RNGTT: variants seen among roughly 807,000 people sequenced by gnomAD.
The protein encoded by RNGTT is RNA guanylyltransferase and 5'-phosphatase, also known as mRNA-capping enzyme.
RNGTT carries 33 observed loss-of-function variants against 79.3 expected under a neutral mutation model. The ratio of observed to expected loss-of-function variants is 0.42; its 90% CI spans 0.32 to 0.56. The LOEUF (loss-of-function observed/expected upper bound fraction) is 0.56. Among genes scored for constraint, RNGTT ranks in the 20% least tolerant of loss-of-function variants. RNGTT has a pLI of 0.17. For synonymous variants in RNGTT, 222 were observed against 235.9 expected, an observed-to-expected ratio of 0.94 and a Z score of 0.54; for missense variants, 497 against 739.1, an observed-to-expected ratio of 0.67 and a Z score of 3.80.
chr6:88,847,677 A>G (rs1027617226), intron 10 of RNGTT, among the ~76,000 whole-genome samples: 8 of 152,098 alleles, frequency 5.3e-5, no homozygotes, highest in Non-Finnish European at 1.2e-4. Flanking sequence ...GACAAAAAGC[A>G]TAACAATCAT....
intron 14 of RNGTT, among the ~76,000 whole-genome samples, chr6:88,665,609 C>T (rs2127783994): frequency 6.6e-6 from 1 of 152,340 alleles, no homozygotes; most frequent in Admixed American, 6.5e-5. Context: ...TCTTTAGCAT[C>T]AGATTAGCTC....
chr6:88,932,938 G>A (rs1380300516), intron 2 of RNGTT, among the ~76,000 whole-genome samples: 1 of 152,078 alleles, frequency 6.6e-6, no homozygotes, highest in Non-Finnish European at 1.5e-5. Flanking sequence ...TACCACATAG[G>A]TTGATGGTTG....
chr6:88,661,077 A>C (rs1166011729), intron 14 of RNGTT, among the ~76,000 whole-genome samples: 1 of 152,248 alleles, frequency 6.6e-6, no homozygotes, highest in Non-Finnish European at 1.5e-5. Context: ...CTTTGGGTCA[A>C]CAATGAAATC....
chr6:88,901,669 G>A (rs71556314), intron 6 of RNGTT, among the ~76,000 whole-genome samples: 2 of 151,958 alleles, frequency 1.3e-5, no homozygotes, highest in East Asian at 3.9e-4. Flanking sequence ...ACTAGGCCGA[G>A]CTAATTTTTT....
At chr6:88,918,048 T>C (rs1355810868) in intron 4 of RNGTT, among the ~76,000 whole-genome samples, 2 of 152,132 alleles carry the variant, frequency 1.3e-5, no homozygotes, top group Non-Finnish European at 2.9e-5. Flanking sequence ...CCAGGTGCAG[T>C]GGCTCATGCC....
intron 13 of RNGTT, among the ~76,000 whole-genome samples, chr6:88,706,457 A>G (rs1383090750): frequency 1.3e-5 from 2 of 152,080 alleles, no homozygotes; most frequent in Non-Finnish European, 2.9e-5. Context: ...GATACAAAGA[A>G]CTGGCACTAT....
chr6:88,941,314 A>G (rs907248084), intron 1 of RNGTT, 134 bp from the exon 2 acceptor site: 6 of 611,140 alleles, frequency 9.8e-6, no homozygotes, highest in African/African-American at 9.3e-5. Context: ...GTCCCCCAGG[A>G]TAGAGTGCAG....
At chr6:88,731,174 C>G (rs186159728) in intron 13 of RNGTT, among the ~76,000 whole-genome samples, 28 of 151,918 alleles carry the variant, frequency 1.8e-4, no homozygotes, top group African/African-American at 6.8e-4. Flanking sequence ...ATAAAAGCCC[C>G]CCCAAAAAAA....
chr6:88,932,437 A>G (rs1466389119), intron 2 of RNGTT, among the ~76,000 whole-genome samples: 1 of 152,040 alleles, frequency 6.6e-6, no homozygotes, highest in East Asian at 1.9e-4. Context: ...GAAGCATGTG[A>G]TCCCTGTGAC....
intron 14 of RNGTT, among the ~76,000 whole-genome samples, chr6:88,676,566 A>C (rs1018023095): frequency 6.6e-6 from 1 of 152,194 alleles, no homozygotes; most frequent in African/African-American, 2.4e-5. Flanking sequence ...ATGAGCCATG[A>C]AAGAAAAATC....
At chr6:88,807,213 T>A (rs1446336415) in intron 11 of RNGTT, among the ~76,000 whole-genome samples, 1 of 152,158 alleles carries the variant, frequency 6.6e-6, no homozygotes, top group African/African-American at 2.4e-5. Context: ...GTAACAAACC[T>A]GCACATCCTG....
intron 8 of RNGTT, among the ~76,000 whole-genome samples, chr6:88,856,675 C>G (rs548384281): frequency 1.3e-5 from 2 of 152,214 alleles, no homozygotes; most frequent in South Asian, 4.1e-4. Flanking sequence ...ACACAAGTTC[C>G]TGAGCTATGA....
At chr6:88,908,969 G>T (rs374925411) in intron 4 of RNGTT, among the ~76,000 whole-genome samples, 1 of 152,050 alleles carries the variant, frequency 6.6e-6, no homozygotes, top group South Asian at 2.1e-4. Context: ...GTGCAGGCCT[G>T]GTCCCACTTC....
At chr6:88,791,140 CTT>C (rs66559856) in intron 12 of RNGTT, among the ~76,000 whole-genome samples, 19,546 of 120,942 alleles carry the variant, frequency 0.16, 1,175 homozygotes, top group Middle Eastern at 0.21. Context: ...TCACAAGTAC[CTT>C]TTTTTTTTTT....
intron 13 of RNGTT, among the ~76,000 whole-genome samples, chr6:88,694,869 C>T (rs978452481): frequency 2.0e-5 from 3 of 152,078 alleles, no homozygotes; most frequent in African/African-American, 7.2e-5. Context: ...CACAGCATGG[C>T]CCAGCACAAA....
intron 12 of RNGTT, among the ~76,000 whole-genome samples, chr6:88,771,547 A>G (rs1194185823): frequency 6.6e-6 from 1 of 151,776 alleles, no homozygotes; most frequent in Non-Finnish European, 1.5e-5. Flanking sequence ...TTCCACATAC[A>G]TTTTAAAATC....
At chr6:88,745,806 G>A (rs1218949035) in intron 13 of RNGTT, among the ~76,000 whole-genome samples, 2 of 150,220 alleles carry the variant, frequency 1.3e-5, no homozygotes, top group South Asian at 2.1e-4. Flanking sequence ...TCTTGCCCTG[G>A]CTTTCAAAAT....
intron 14 of RNGTT, among the ~76,000 whole-genome samples, chr6:88,635,662 C>A (rs900619046): frequency 6.6e-6 from 1 of 152,042 alleles, no homozygotes; most frequent in Non-Finnish European, 1.5e-5. Context: ...AATATTTACT[C>A]TGGCATCTGA....
At chr6:88,799,614 C>T (rs1437762639) in intron 12 of RNGTT, among the ~76,000 whole-genome samples, 1 of 150,964 alleles carries the variant, frequency 6.6e-6, no homozygotes, top group African/African-American at 2.5e-5. Context: ...GCAGGAGAAT[C>T]CCTTGAGCCC....
Sources: gnomAD v4.1 joint callset for allele counts (sites outside exome capture counted in the v4.1 genomes callset) on GRCh38, gnomAD v4.1.1 for gene constraint, MANE v1.5 for transcripts, NCBI Gene and HGNC (gene_info 2026-07-23, HGNC 2026-07-21) for gene names.